The following NXPE2 variants were observed in gnomAD, a reference collection of about 807,000 sequenced individuals.
NXPE2 encodes the protein neurexophilin and PC-esterase domain family member 2.
A neutral mutation model predicts 34.4 loss-of-function variants in NXPE2; 34 were observed. The observed-to-expected ratio is 0.99, with a 90% CI of 0.75 to 1.31. NXPE2 has a LOEUF of 1.31. Among genes scored for constraint, NXPE2 ranks in the 40% most tolerant of loss-of-function variants. NXPE2 has a pLI of 0.00. For missense variants in NXPE2, 649 were observed against 672.5 expected, an observed-to-expected ratio of 0.97 and a Z score of 0.39; for synonymous variants, 235 against 231.3, an observed-to-expected ratio of 1.02 and a Z score of -0.15.
chr11:114,493,661 T>G, the NXPE2 span, among the ~76,000 whole-genome samples: 3 of 152,196 alleles, frequency 2.0e-5, no homozygotes, highest in Non-Finnish European at 4.4e-5. Flanking sequence ...TTATTTATAC[T>G]GTATACTATG....
At chr11:114,744,453 A>G in the NXPE2 span, among the ~76,000 whole-genome samples, 3 of 130,666 alleles carry the variant, frequency 2.3e-5, no homozygotes, top group Non-Finnish European at 5.0e-5. Flanking sequence ...TGATACTTTT[A>G]AAAAATAAGT....
At chr11:114,465,564 A>G in the NXPE2 span, among the ~76,000 whole-genome samples, 2 of 152,200 alleles carry the variant, frequency 1.3e-5, no homozygotes, top group Non-Finnish European at 2.9e-5. Context: ...AGGGCTATGC[A>G]GGAAGTTTCT....
chr11:114,569,654 G>T, the NXPE2 span, among the ~76,000 whole-genome samples: 1 of 152,036 alleles, frequency 6.6e-6, no homozygotes, highest in South Asian at 2.1e-4. Context: ...TTGAGGCTGG[G>T]TCTTGCGCTG....
At chr11:114,663,027 T>C in the NXPE2 span, among the ~76,000 whole-genome samples, 1 of 152,172 alleles carries the variant, frequency 6.6e-6, no homozygotes, top group African/African-American at 2.4e-5. Context: ...TTGTCTCTTA[T>C]ACGGCATTTC....
chr11:114,637,790 C>T, the NXPE2 span, among the ~76,000 whole-genome samples: 417 of 151,874 alleles, frequency 2.7e-3, 2 homozygotes, highest in African/African-American at 6.1e-3. Context: ...TGAATATTGG[C>T]CCCCACTCTC....
At chr11:114,784,817 TAA>T in the NXPE2 span, among the ~76,000 whole-genome samples, 1 of 152,100 alleles carries the variant, frequency 6.6e-6, no homozygotes, top group Admixed American at 6.5e-5. Flanking sequence ...ACCTGCACAT[TAA>T]AAAGTTTCCA....
chr11:114,491,809 C>T, the NXPE2 span, among the ~76,000 whole-genome samples: 594 of 152,286 alleles, frequency 3.9e-3, 1 homozygote, highest in Admixed American at 9.5e-3. Flanking sequence ...CACAGATACA[C>T]CATGGAATAC....
the NXPE2 span, among the ~76,000 whole-genome samples, chr11:114,490,232 C>G: frequency 2.0e-5 from 3 of 152,194 alleles, no homozygotes; most frequent in African/African-American, 7.2e-5. Context: ...GAAGAACATT[C>G]CATGCTCATG....
chr11:114,488,413 T>C, the NXPE2 span, among the ~76,000 whole-genome samples: 9 of 152,316 alleles, frequency 5.9e-5, no homozygotes, highest in South Asian at 1.9e-3. Flanking sequence ...TAAACGTTTG[T>C]CAATTTTGTT....
At chr11:114,619,641 T>C in the NXPE2 span, among the ~76,000 whole-genome samples, 2 of 152,052 alleles carry the variant, frequency 1.3e-5, no homozygotes, top group African/African-American at 4.8e-5. Flanking sequence ...TAACCACTGT[T>C]ACCCTGTGGA....
chr11:114,493,711 A>G, the NXPE2 span, among the ~76,000 whole-genome samples: 3 of 152,094 alleles, frequency 2.0e-5, no homozygotes, highest in Non-Finnish European at 4.4e-5. Context: ...TTTGTTCATC[A>G]TTTAGTCTTT....
At chr11:114,696,047 A>C (rs150684964) in intron 2 of NXPE2, among the ~76,000 whole-genome samples, 1 of 151,946 alleles carries the variant, frequency 6.6e-6, no homozygotes, top group Non-Finnish European at 1.5e-5. Flanking sequence ...AAGAAGAAGA[A>C]GAAATCAGGC....
chr11:114,681,452 A>T (rs1283311494), intron 2 of NXPE2, among the ~76,000 whole-genome samples: 1 of 152,178 alleles, frequency 6.6e-6, no homozygotes, highest in Non-Finnish European at 1.5e-5. Context: ...TATTGGACTC[A>T]TTTAAATAAA....
At chr11:114,812,407 T>C in the NXPE2 span, among the ~76,000 whole-genome samples, 1 of 152,228 alleles carries the variant, frequency 6.6e-6, no homozygotes, top group South Asian at 2.1e-4. Context: ...TTATTTTCAA[T>C]GTAGAGCAGG....
the NXPE2 span, among the ~76,000 whole-genome samples, chr11:114,628,347 G>C: frequency 6.6e-6 from 1 of 152,182 alleles, no homozygotes; most frequent in South Asian, 2.1e-4. Flanking sequence ...AATCAAACTA[G>C]AACTCAGGAT....
chr11:114,740,232 T>G, the NXPE2 span, among the ~76,000 whole-genome samples: 2 of 152,178 alleles, frequency 1.3e-5, no homozygotes, highest in Non-Finnish European at 2.9e-5. Context: ...ACTCATCTAT[T>G]TTTAGACCAT....
At chr11:114,805,356 A>G in the NXPE2 span, among the ~76,000 whole-genome samples, 35 of 152,268 alleles carry the variant, frequency 2.3e-4, no homozygotes, top group African/African-American at 8.2e-4. Flanking sequence ...CAGTGGGTGC[A>G]GCGCACCATG....
chr11:114,501,838 ACAATAAAAGAAGTCCAGG>A, the NXPE2 span, among the ~76,000 whole-genome samples: 1 of 152,308 alleles, frequency 6.6e-6, no homozygotes, highest in African/African-American at 2.4e-5. Context: ...GAGACAGAGA[ACAATAAAAGAAGTCCAGG>A]GTTTGGCTGG....
At chr11:114,695,400 A>G (rs998484770) in intron 2 of NXPE2, among the ~76,000 whole-genome samples, 1 of 152,100 alleles carries the variant, frequency 6.6e-6, no homozygotes, top group African/African-American at 2.4e-5. Flanking sequence ...CTGTTTTCCT[A>G]TACCCACGTC....
Sources: allele counts gnomAD v4.1 joint callset (sites outside exome capture counted in the v4.1 genomes callset), GRCh38; gene constraint gnomAD v4.1.1; transcripts MANE v1.5; gene names NCBI Gene and HGNC (gene_info 2026-07-23, HGNC 2026-07-21).